Variants in EIF4A3 observed in about 807,000 individuals in gnomAD.
EIF4A3 encodes eukaryotic translation initiation factor 4A3.
EIF4A3 carries 1 observed loss-of-function variant against 55.6 expected under a neutral mutation model. The ratio of observed to expected loss-of-function variants is 0.02; its 90% confidence interval spans 0.01 to 0.09. The LOEUF is 0.09. Among genes scored for constraint, EIF4A3 ranks in the 10% least tolerant of loss-of-function variants. EIF4A3 has a pLI of 1.00. For missense variants in EIF4A3, 221 were observed against 540.7 expected, an observed-to-expected ratio of 0.41 and a Z score of 5.86; for synonymous variants, 194 against 196.3, an observed-to-expected ratio of 0.99 and a Z score of 0.10.
intron 1 of EIF4A3, 123 bp downstream of exon 1, chr17:80,146,670 G>T (rs1196380364): frequency 3.3e-6 from 4 of 1,212,074 alleles, no homozygotes; most frequent in Admixed American, 3.0e-5. Flanking sequence ...TGGCCCCCGA[G>T]CCTCGACCCT....
At chr17:80,135,901 A>T (rs1032396713) in intron 11 of EIF4A3, 103 bp downstream of exon 11, 1 of 1,499,928 alleles carries the variant, frequency 6.7e-7, no homozygotes. Context: ...TCTCAAAAAC[A>T]AAACAAAAAA....
At chr17:80,146,542 C>A (rs1178017564) in intron 1 of EIF4A3, among the ~76,000 whole-genome samples, 2 of 152,236 alleles carry the variant, frequency 1.3e-5, no homozygotes, top group Non-Finnish European at 2.9e-5. Context: ...TGCCTCGAAG[C>A]GGCTGCAGCC....
rs770103058 is a variant in EIF4A3, at chr17:80,140,072, G to A, written c.441C>T (p.Gly147=). The A allele has an allele frequency of 2.0e-5, 33 of 1,613,388 alleles. No individual in the cohort carries two copies. Among genetic ancestry groups the A allele is most frequent in the African/African-American group, 8.0e-5 (6 of 74,780 alleles). Residue 147 remains glycine (G), a synonymous_variant, in exon 5 of 12, where the codon GGC becomes GGT. Coordinates refer to ENST00000649764, the MANE Select transcript of EIF4A3 (RefSeq NM_014740.4). ...CGTAATCCAGCTTCCTGATGTCCTC[G>A]CCAACATTGGTGCCTCCAATGCAGG... The part of the protein sequence containing the change: ...CHACIGGTNV[G]EDIRKLDYGQ...
chr17:80,138,800 T>A, intron 7 of EIF4A3: 1 of 576,774 alleles, frequency 1.7e-6, no homozygotes, highest in Non-Finnish European at 3.0e-6. Context: ...CTCTATATGT[T>A]GCCCAGCCTA....
chr17:80,145,531 TCC>T (rs2039652255), intron 1 of EIF4A3, among the ~76,000 whole-genome samples: 1 of 151,924 alleles, frequency 6.6e-6, no homozygotes, highest in Non-Finnish European at 1.5e-5. Context: ...GCCACTACAC[TCC>T]AGCCTTGGTG....
In EIF4A3 at chr17:80,146,895, T is replaced by C. The variant is rs767730035; in HGVS notation, c.67A>G (p.Met23Val). ...ARKRLLKEEDMTKVEFETSEE... is the reference protein window; with the variant it reads ...ARKRLLKEEDVTKVEFETSEE... Reference sequence around the variant, plus strand: ...CTGGTCTCGAATTCCACTTTAGTCATGTCTTCCTCTTTGAGCAGCCGCTTT... The same window carrying C: ...CTGGTCTCGAATTCCACTTTAGTCACGTCTTCCTCTTTGAGCAGCCGCTTT... Residue 23 changes from methionine (M) to valine (V), a missense_variant, in exon 1 of 12, where the codon ATG (methionine) becomes GTG (valine). Around this residue, in one of 4 missense-constraint regions of EIF4A3, gnomAD observed 43 missense variants for 39.1 expected, o/e 1.10. Transcript: ENST00000649764. The C allele has an allele frequency of 4.3e-6, 7 of 1,611,046 alleles. No homozygotes were observed. Among genetic ancestry groups the C allele is most frequent in the African/African-American group, 4.0e-5 (3 of 74,390 alleles).
In EIF4A3 at chr17:80,136,135, C is replaced by G; in HGVS notation, c.1092-4G>C. 6.2e-7 allele frequency: 1 copy of G among 1,613,722 alleles called. No individual in the cohort carries two copies. The highest frequency in any genetic ancestry group is 8.5e-7 in the Non-Finnish European group (1 of 1,179,960). On this transcript the variant is annotated splice_region_variant and splice_polypyrimidine_tract_variant and intron_variant, in intron 10 of 11. Coordinates refer to ENST00000649764, the MANE Select transcript of EIF4A3 (RefSeq NM_014740.4). ...GTATCGACCTGATCTCCCAATTCTT[C>G]AGGAATAAAATAATATTACAGTTAG...
intron 3 of EIF4A3, 161 bp downstream of exon 3, chr17:80,141,621 G>A: frequency 1.4e-6 from 1 of 735,560 alleles, no homozygotes; most frequent in Non-Finnish European, 2.2e-6. Context: ...CAGAATATTA[G>A]TGCATATATT....
At position 80,141,768 on chromosome 17, in the gene EIF4A3, G is replaced by A; in HGVS notation, c.309+14C>T. 1 of 1,609,890 alleles carries A rather than the reference G, an allele frequency of 6.2e-7. No individual in the cohort carries two copies. Among genetic ancestry groups the A allele is most frequent in the Non-Finnish European group, 8.5e-7 (1 of 1,176,366 alleles). On this transcript the variant is annotated intron_variant, in intron 3 of 11. Coordinates refer to ENST00000649764, the MANE Select transcript of EIF4A3 (RefSeq NM_014740.4). ...AGAATTACATAACAGTTTGTTTTAA[G>A]AATGGCAAATTACCTGAATATCCAA...
intron 1 of EIF4A3, among the ~76,000 whole-genome samples, chr17:80,146,001 T>C (rs2039659718): frequency 6.6e-6 from 1 of 152,064 alleles, no homozygotes. Flanking sequence ...CCCAGAAGAA[T>C]CTTTAAAACT....
At chr17:80,143,836 C>A (rs572939578) in intron 2 of EIF4A3, among the ~76,000 whole-genome samples, 1 of 151,932 alleles carries the variant, frequency 6.6e-6, no homozygotes, top group African/African-American at 2.4e-5. Context: ...GAAAATTAGT[C>A]GGGCATGGTG....
chr17:80,146,600 G>A (rs1225714127), intron 1 of EIF4A3, among the ~76,000 whole-genome samples, 193 bp downstream of exon 1: 1 of 152,184 alleles, frequency 6.6e-6, no homozygotes, highest in East Asian at 1.9e-4. Context: ...CACACCGAAA[G>A]CGCCGACACA....
chr17:80,134,519 A>AC lies in EIF4A3; in HGVS notation c.*970_*971insG, dbSNP rs113791996. On this transcript the variant is annotated 3_prime_UTR_variant, in exon 12 of 12. Transcript: ENST00000649764. ...ATCCTGGGCTCTCAAAAAAACAACA[A>AC]AAAAAAAAAATTAGAAAAATGAGGC... Among the ~76,000 whole-genome samples, 2,616 of 150,016 alleles carry AC rather than the reference A, an allele frequency of 0.017. 78 individuals are homozygous for AC. The highest frequency in any genetic ancestry group is 0.061 in the African/African-American group (2,490 of 40,918).
At chr17:80,139,940 C>CA in intron 5 of EIF4A3, 68 bp downstream of exon 5, 1 of 1,580,984 alleles carries the variant, frequency 6.3e-7, no homozygotes, top group Non-Finnish European at 8.6e-7. Context: ...CGAAAGCTGT[C>CA]CTGTACCATT....
intron 11 of EIF4A3, 111 bp from the exon 12 acceptor site, chr17:80,135,617 C>T: frequency 3.1e-6 from 3 of 969,988 alleles, no homozygotes; most frequent in Non-Finnish European, 4.7e-6. Flanking sequence ...AAAAACAGGC[C>T]AGACATAGTG....
chr17:80,145,908 C>G (rs903742520), intron 1 of EIF4A3, among the ~76,000 whole-genome samples: 3 of 152,166 alleles, frequency 2.0e-5, no homozygotes, highest in African/African-American at 7.2e-5. Context: ...GCACAATCCT[C>G]TCTTCCCTGA....
At position 80,147,087 on chromosome 17, in the gene EIF4A3, G is replaced by GCGCCGC. The variant is rs2144009808; in HGVS notation, c.-127_-126insGCGGCG. 4.5e-6 allele frequency: 6 copies of GCGCCGC among 1,326,532 alleles called. No homozygotes were observed. The highest frequency in any genetic ancestry group is 3.1e-5 in the East Asian group (1 of 32,394). The allele number at this position is 1,326,532 out of a possible 1,614,324, so 82.2% of individuals were successfully genotyped here. ...TCGCTGTGCCGCTGCCGACCTCGCT[G>GCGCCGC]TGCCGCTGCCGACCTCGCTGTGCCG... is the stretch of plus-strand genomic sequence containing the variant. On this transcript the variant is annotated 5_prime_UTR_variant, in exon 1 of 12. Transcript: ENST00000649764.
intron 6 of EIF4A3, chr17:80,139,450 A>C (rs1413478931): frequency 3.2e-6 from 2 of 618,926 alleles, no homozygotes; most frequent in East Asian, 5.7e-5. Flanking sequence ...TAGATACCAA[A>C]TAAAAAGCAA....
At chr17:80,141,533 C>T (rs1437548487) in intron 3 of EIF4A3, 152 bp from the exon 4 acceptor site, 1 of 909,260 alleles carries the variant, frequency 1.1e-6, no homozygotes, top group Non-Finnish European at 1.7e-6. Context: ...ATTTAAATTG[C>T]AAATCCAACA....
Sources: gnomAD v4.1 joint callset for allele counts (sites outside exome capture counted in the v4.1 genomes callset) on GRCh38, gnomAD v4.1.1 for gene constraint, gnomAD v4.1.1 regional missense constraint, MANE v1.5 for transcripts, NCBI Gene and HGNC (gene_info 2026-07-23, HGNC 2026-07-21) for gene names.